RBFOX1: variants seen among roughly 807,000 people sequenced by gnomAD.
RBFOX1 encodes RNA binding protein fox-1 homolog 1.
In RBFOX1, 8 loss-of-function variants were observed where a neutral mutation model predicts 57.7. That is an observed-to-expected ratio of 0.14 (90% CI 0.08 to 0.25). The LOEUF (loss-of-function observed/expected upper bound fraction) is 0.25. Ranked by LOEUF, RBFOX1 falls within the 10% of genes least tolerant of loss-of-function variation. The pLI is 1.00. For missense variants in RBFOX1, 611 were observed against 548.5 expected, an observed-to-expected ratio of 1.11 and a Z score of -1.14; for synonymous variants, 326 against 222.4, an observed-to-expected ratio of 1.47 and a Z score of -4.15.
intron 3 of RBFOX1, among the ~76,000 whole-genome samples, chr16:6,820,106 C>T (rs2091002703): frequency 6.6e-6 from 1 of 152,116 alleles, no homozygotes; most frequent in Non-Finnish European, 1.5e-5. Context: ...GAGTAAGTCT[C>T]ATGAAATCTG....
intron 3 of RBFOX1, among the ~76,000 whole-genome samples, chr16:6,801,175 T>C (rs535160162): frequency 2.2e-4 from 31 of 138,694 alleles, no homozygotes; most frequent in Non-Finnish European, 3.6e-4. Flanking sequence ...ACACTGTGAA[T>C]GGCAAGAATC....
At chr16:7,683,943 G>A (rs778342568) in intron 14 of RBFOX1, among the ~76,000 whole-genome samples, 2 of 151,980 alleles carry the variant, frequency 1.3e-5, no homozygotes, top group Admixed American at 6.6e-5. Context: ...AAATTAAACC[G>A]CTCCACTTTG....
intron 1 of RBFOX1, among the ~76,000 whole-genome samples, chr16:6,211,640 A>G (rs1186130676): frequency 2.0e-5 from 3 of 152,138 alleles, no homozygotes; most frequent in African/African-American, 7.2e-5. Context: ...TTGTAAAGCA[A>G]GCTGAGAGAA....
chr16:7,331,971 C>G (rs1341700407), intron 4 of RBFOX1, among the ~76,000 whole-genome samples: 1 of 152,104 alleles, frequency 6.6e-6, no homozygotes. Flanking sequence ...TGCTTGTTAG[C>G]TATGCCTTGA....
chr16:5,435,072 T>C (rs1181171185), intron 1 of RBFOX1, among the ~76,000 whole-genome samples: 1 of 152,198 alleles, frequency 6.6e-6, no homozygotes, highest in African/African-American at 2.4e-5. Flanking sequence ...GTAAATGATA[T>C]TTGTTGTAGA....
At chr16:6,978,187 C>T (rs1160638903) in intron 3 of RBFOX1, among the ~76,000 whole-genome samples, 20 of 152,176 alleles carry the variant, frequency 1.3e-4, no homozygotes, top group East Asian at 1.9e-4. Context: ...ATTAGCCAGC[C>T]TTGACTGGGC....
chr16:6,999,059 G>C (rs968327840), intron 3 of RBFOX1, among the ~76,000 whole-genome samples: 11 of 151,136 alleles, frequency 7.3e-5, no homozygotes, highest in Admixed American at 6.6e-5. Context: ...AGTAGAGACA[G>C]GGTTTCACCA....
chr16:7,227,806 G>A (rs934344290), intron 4 of RBFOX1, among the ~76,000 whole-genome samples: 1 of 152,126 alleles, frequency 6.6e-6, no homozygotes, highest in African/African-American at 2.4e-5. Context: ...ACCTCATCAC[G>A]GCAGCTGCAT....
At chr16:7,356,849 C>CT (rs2097222675) in intron 4 of RBFOX1, among the ~76,000 whole-genome samples, 1 of 152,188 alleles carries the variant, frequency 6.6e-6, no homozygotes, top group Non-Finnish European at 1.5e-5. Flanking sequence ...TATGCGTAGT[C>CT]TTTCGTCTTC....
chr16:7,636,278 T>G (rs949508817), intron 11 of RBFOX1, among the ~76,000 whole-genome samples: 1 of 152,268 alleles, frequency 6.6e-6, no homozygotes, highest in Non-Finnish European at 1.5e-5. Context: ...TTTTGCAAAT[T>G]GCATAGTGAA....
intron 1 of RBFOX1, among the ~76,000 whole-genome samples, chr16:5,281,779 C>G (rs1450358844): frequency 2.0e-5 from 3 of 152,120 alleles, no homozygotes; most frequent in African/African-American, 7.2e-5. Context: ...TGTGGTATAT[C>G]TTTTTCAATC....
chr16:7,296,253 GTCC>G (rs1654452991), intron 4 of RBFOX1, among the ~76,000 whole-genome samples: 1 of 135,710 alleles, frequency 7.4e-6, no homozygotes, highest in African/African-American at 2.9e-5. Context: ...TTCAGATTAT[GTCC>G]TCCTTTTTTT....
At chr16:6,634,827 T>A (rs1406114510) in intron 2 of RBFOX1, among the ~76,000 whole-genome samples, 1 of 139,876 alleles carries the variant, frequency 7.1e-6, no homozygotes, top group Non-Finnish European at 1.5e-5. Context: ...TACAAAGATA[T>A]ACATATATTT....
chr16:6,096,461 C>T (rs1430958617), intron 1 of RBFOX1, among the ~76,000 whole-genome samples: 2 of 152,262 alleles, frequency 1.3e-5, no homozygotes, highest in Admixed American at 6.5e-5. Flanking sequence ...TGCTGATGCC[C>T]TGCATATCCC....
chr16:7,024,719 C>G (rs1249040745), intron 3 of RBFOX1, among the ~76,000 whole-genome samples: 7 of 152,196 alleles, frequency 4.6e-5, no homozygotes, highest in Admixed American at 4.6e-4. Flanking sequence ...AGCACTCTGT[C>G]CTGCTCTTGT....
chr16:6,385,803 GA>G (rs139336669), intron 2 of RBFOX1, among the ~76,000 whole-genome samples: 12,605 of 152,284 alleles, frequency 0.083, 613 homozygotes, highest in Middle Eastern at 0.2. Context: ...CCCTTGCTGT[GA>G]ATTATCAGAT....
Position 7,364,577 on chromosome 16 carries a change from AAAAAAAAAAAAAC to A in RBFOX1, c.28-153556_28-153544del, listed in dbSNP as rs757520944. On this transcript the variant is annotated intron_variant, in intron 4 of 15. Transcript: ENST00000550418. The stretch of plus-strand genomic sequence containing the variant: ...AGCTCACATGATATCAAGAAGACCA[AAAAAAAAAAAAAC>A]AAAAAAAAAAAACTTGGATCCCAGA... Among the ~76,000 whole-genome samples, 175 of 141,918 alleles carry A rather than the reference AAAAAAAAAAAAAC, an allele frequency of 1.2e-3. 1 individual carries two copies. The highest frequency in any genetic ancestry group is 4.1e-3 in the African/African-American group (150 of 36,318). The allele number at this position is 141,918 out of a possible 152,430, so 93.1% of individuals were successfully genotyped here.
chr16:5,357,081 T>G (rs772611500), intron 1 of RBFOX1, among the ~76,000 whole-genome samples: 5 of 152,108 alleles, frequency 3.3e-5, no homozygotes, highest in Admixed American at 6.5e-5. Flanking sequence ...GAGTTAGGAG[T>G]GGTGCTGCTC....
chr16:6,019,143 T>G lies in RBFOX1; in HGVS notation c.-976T>G. On this transcript the variant is annotated 5_prime_UTR_variant, in exon 1 of 16. Transcript: ENST00000550418. This position sits in a 1 kb window ranked among gnomAD's most constrained non-coding sequence, Gnocchi z 4.2. ...TTCTCGCGCTCTCTCCGGCTCTCCT[T>G]TGTTTATTTTCTAATCTATATTTTT... 1 of 984,288 alleles carries G rather than the reference T, an allele frequency of 1.0e-6. No individual in the cohort carries two copies. Among genetic ancestry groups the G allele is most frequent in the Non-Finnish European group, 1.2e-6 (1 of 829,320 alleles). The allele number at this position is 984,288 out of a possible 1,614,324, so 61.0% of individuals were successfully genotyped here.
Sources: gnomAD v4.1 joint callset for allele counts (sites outside exome capture counted in the v4.1 genomes callset) on GRCh38, gnomAD v4.1.1 for gene constraint, Gnocchi (gnomAD v3.1) non-coding constraint, MANE v1.5 for transcripts, NCBI Gene and HGNC (gene_info 2026-07-23, HGNC 2026-07-21) for gene names.